The following RAPGEF2 variants were observed in gnomAD, a reference collection of about 807,000 sequenced individuals.
RAPGEF2 encodes the protein Rap guanine nucleotide exchange factor 2.
RAPGEF2 carries 54 observed loss-of-function variants against 186.7 expected under a neutral mutation model. The ratio of observed to expected loss-of-function variants is 0.29; its 90% CI spans 0.23 to 0.36. The LOEUF is 0.36. Among genes scored for constraint, RAPGEF2 ranks in the 10% least tolerant of loss-of-function variants. The pLI is 1.00. For missense variants in RAPGEF2, 1,532 were observed against 2,045.0 expected (o/e 0.75, Z 4.84); for synonymous variants, 712 against 705.9 (o/e 1.01, Z -0.14).
intron 1 of RAPGEF2, among the ~76,000 whole-genome samples, chr4:159,118,740 C>G (rs1739334354): frequency 6.6e-6 from 1 of 151,626 alleles, no homozygotes; most frequent in South Asian, 2.1e-4. Context: ...CGCCCGCCTC[C>G]TTGCCTGCAA....
At chr4:159,187,697 A>C (rs1747699110) in intron 2 of RAPGEF2, among the ~76,000 whole-genome samples, 1 of 152,212 alleles carries the variant, frequency 6.6e-6, no homozygotes, top group Admixed American at 6.5e-5. Context: ...CATATTAAAG[A>C]ACAAAAATGA....
chr4:159,197,209 A>G (rs1748736988), intron 3 of RAPGEF2, among the ~76,000 whole-genome samples: 1 of 152,246 alleles, frequency 6.6e-6, no homozygotes, highest in African/African-American at 2.4e-5. Flanking sequence ...GCATACTGCC[A>G]ATAAGAAGTT....
intron 1 of RAPGEF2, among the ~76,000 whole-genome samples, chr4:159,136,920 C>A (rs1741781943): frequency 6.6e-6 from 1 of 152,108 alleles, no homozygotes; most frequent in South Asian, 2.1e-4. Context: ...TATTCCTGAC[C>A]ACTGTGAAAA....
chr4:159,210,237 C>G (rs1301176177), intron 3 of RAPGEF2, among the ~76,000 whole-genome samples: 1 of 151,996 alleles, frequency 6.6e-6, no homozygotes, highest in African/African-American at 2.4e-5. Context: ...AGTAAAAAAA[C>G]TTAGAATGGT....
intron 1 of RAPGEF2, among the ~76,000 whole-genome samples, chr4:159,133,568 C>T (rs1024035376): frequency 1.2e-4 from 18 of 149,028 alleles, no homozygotes; most frequent in African/African-American, 4.4e-4. Context: ...CCTGCCACCA[C>T]GCGTGGCTAC....
At chr4:159,288,443 A>G (rs920448076) in intron 7 of RAPGEF2, among the ~76,000 whole-genome samples, 3 of 152,142 alleles carry the variant, frequency 2.0e-5, no homozygotes, top group African/African-American at 7.2e-5. Context: ...TAGGTTTTGA[A>G]AGGCGATTTT....
intron 7 of RAPGEF2, among the ~76,000 whole-genome samples, chr4:159,300,093 T>C (rs1762469620): frequency 6.6e-6 from 1 of 151,510 alleles, no homozygotes; most frequent in African/African-American, 2.4e-5. Context: ...ATTAATATTA[T>C]AAAGTATTAA....
rs540969379 is a variant in RAPGEF2, at chr4:159,109,097, AATG to A, written c.69+4869_69+4871del. Among the ~76,000 whole-genome samples, 30 of 152,330 alleles carry A rather than the reference AATG, an allele frequency of 2.0e-4. No homozygotes were observed. In the South Asian group the frequency reaches 6.2e-3, roughly 32 times the overall value. ...CAGATATAAATGGACTATCCGAAAT[AATG>A]ATATGATAACCTTCTAGAAATAAAA... On this transcript the variant is annotated intron_variant, in intron 1 of 29. Coordinates refer to ENST00000691494, the MANE Select transcript of RAPGEF2 (RefSeq NM_001394067.2).
intron 2 of RAPGEF2, among the ~76,000 whole-genome samples, chr4:159,192,704 A>T (rs1483502469): frequency 6.6e-6 from 1 of 152,206 alleles, no homozygotes; most frequent in Non-Finnish European, 1.5e-5. Flanking sequence ...TAAAGCCTCC[A>T]GTTAGTCAGT....
At chr4:159,300,072 T>C (rs1204813798) in intron 7 of RAPGEF2, among the ~76,000 whole-genome samples, 1 of 151,764 alleles carries the variant, frequency 6.6e-6, no homozygotes, top group Non-Finnish European at 1.5e-5. Context: ...AATGAAAATA[T>C]AGTATCCTTT....
intron 1 of RAPGEF2, among the ~76,000 whole-genome samples, chr4:159,141,260 T>C (rs1311068872): frequency 2.0e-5 from 3 of 152,228 alleles, no homozygotes. Flanking sequence ...TATTTAGATA[T>C]ATTTTGTAAG....
At chr4:159,145,996 G>A (rs60204488) in intron 1 of RAPGEF2, among the ~76,000 whole-genome samples, 51,821 of 152,014 alleles carry the variant, frequency 0.34, 10,623 homozygotes, top group East Asian at 0.6. Flanking sequence ...GGAGTTGTTG[G>A]TGTCGGAGTC....
At chr4:159,108,223 A>T (rs1738091410) in intron 1 of RAPGEF2, among the ~76,000 whole-genome samples, 1 of 152,212 alleles carries the variant, frequency 6.6e-6, no homozygotes, top group African/African-American at 2.4e-5. Context: ...GTCGCCTTCA[A>T]ATAACCCTTT....
At chr4:159,315,734 A>G (rs1410761503) in intron 9 of RAPGEF2, among the ~76,000 whole-genome samples, 1 of 152,180 alleles carries the variant, frequency 6.6e-6, no homozygotes, top group Admixed American at 6.5e-5. Context: ...GAGAGAGGAG[A>G]CAAAGAGAAA....
chr4:159,104,375 C>T, intron 1 of RAPGEF2, 144 bp downstream of exon 1: 1 of 454,548 alleles, frequency 2.2e-6, no homozygotes, highest in Non-Finnish European at 4.1e-6. Flanking sequence ...CAAAGGCATC[C>T]CACCTCCGAG....
At chr4:159,278,068 A>G (rs1046159134) in intron 7 of RAPGEF2, among the ~76,000 whole-genome samples, 13 of 152,172 alleles carry the variant, frequency 8.5e-5, no homozygotes, top group African/African-American at 3.1e-4. Flanking sequence ...TAGGGTTTTT[A>G]TAGTTTTAGG....
At chr4:159,336,037 T>A (rs1028538764) in intron 17 of RAPGEF2, among the ~76,000 whole-genome samples, 2 of 152,158 alleles carry the variant, frequency 1.3e-5, no homozygotes, top group Non-Finnish European at 2.9e-5. Context: ...GTAAAAGTTT[T>A]CATCTTTTAC....
intron 7 of RAPGEF2, among the ~76,000 whole-genome samples, chr4:159,269,594 C>A (rs1000159531): frequency 2.0e-5 from 3 of 152,122 alleles, no homozygotes; most frequent in Non-Finnish European, 4.4e-5. Context: ...GCTTGAGGAA[C>A]CTTAGAAACA....
intron 1 of RAPGEF2, among the ~76,000 whole-genome samples, chr4:159,153,760 C>G (rs1205855092): frequency 6.6e-6 from 1 of 152,140 alleles, no homozygotes; most frequent in Non-Finnish European, 1.5e-5. Context: ...AAAATATCCC[C>G]TCCTTGAAAG....
Sources: allele counts gnomAD v4.1 joint callset (sites outside exome capture counted in the v4.1 genomes callset), GRCh38; gene constraint gnomAD v4.1.1; transcripts MANE v1.5; gene names NCBI Gene and HGNC (gene_info 2026-07-23, HGNC 2026-07-21).